Variants in RERE observed in about 807,000 individuals in gnomAD.
RERE encodes the protein arginine-glutamic acid dipeptide repeats protein.
In RERE, 40 loss-of-function variants were observed where a neutral mutation model predicts 146.1. That is an observed-to-expected ratio of 0.27 (90% CI 0.21 to 0.36). The LOEUF (loss-of-function observed/expected upper bound fraction) is 0.36. Among genes scored for constraint, RERE ranks in the 10% least tolerant of loss-of-function variants. The pLI is 1.00. For missense variants in RERE, 1,933 were observed against 2,138.7 expected, an observed-to-expected ratio of 0.90 and a Z score of 1.90; for synonymous variants, 1,003 against 866.0, an observed-to-expected ratio of 1.16 and a Z score of -2.78.
At chr1:8,378,408 T>C (rs1222382276) in intron 12 of RERE, among the ~76,000 whole-genome samples, 2 of 152,214 alleles carry the variant, frequency 1.3e-5, no homozygotes, top group Non-Finnish European at 2.9e-5. Context: ...GGCTGAACTG[T>C]GTCCTCCCTC....
At chr1:8,518,392 G>A (rs1645448652) in intron 7 of RERE, among the ~76,000 whole-genome samples, 1 of 152,192 alleles carries the variant, frequency 6.6e-6, no homozygotes, top group South Asian at 2.1e-4. Context: ...AGATCACTGA[G>A]AAATCTCTCT....
intron 4 of RERE, among the ~76,000 whole-genome samples, chr1:8,581,467 C>A (rs531441264): frequency 6.6e-6 from 1 of 152,238 alleles, no homozygotes; most frequent in Non-Finnish European, 1.5e-5. Context: ...TTGATGAATT[C>A]CAATTTTTTT....
At chr1:8,766,643 A>T (rs1338663579) in intron 1 of RERE, among the ~76,000 whole-genome samples, 1 of 152,162 alleles carries the variant, frequency 6.6e-6, no homozygotes, top group Non-Finnish European at 1.5e-5. Flanking sequence ...GATACAGGAA[A>T]AAGAAACAAT....
At chr1:8,772,932 C>G (rs1640982185) in intron 1 of RERE, among the ~76,000 whole-genome samples, 2 of 152,072 alleles carry the variant, frequency 1.3e-5, no homozygotes, top group Admixed American at 6.5e-5. Flanking sequence ...ACTAAAAGTA[C>G]AAAAATTAGC....
intron 1 of RERE, among the ~76,000 whole-genome samples, chr1:8,765,341 T>C (rs1640826485): frequency 6.6e-6 from 1 of 152,102 alleles, no homozygotes; most frequent in Non-Finnish European, 1.5e-5. Context: ...GGCTGGGGGA[T>C]GAGTAGAGGA....
Position 8,597,832 on chromosome 1 carries a change from C to A in RERE, c.522+16729G>T, listed in dbSNP as rs117345876. Among the ~76,000 whole-genome samples the A allele has an allele frequency of 5.0e-4, 76 of 151,824 alleles. No homozygotes were observed. In the East Asian group the frequency reaches 0.012, roughly 24 times the overall value. ...TCCTGTTGACAGTTTTCCCGTCCATCTTCCAGAAGAACTCACTACTCAACC... is the reference window on the plus strand; with the variant it reads ...TCCTGTTGACAGTTTTCCCGTCCATATTCCAGAAGAACTCACTACTCAACC... On this transcript the variant is annotated intron_variant, in intron 4 of 22. Coordinates refer to ENST00000400908, the MANE Select transcript of RERE (RefSeq NM_001042681.2).
At position 8,815,829 on chromosome 1, in the gene RERE, TTGTG is replaced by T. The variant is rs539845789; in HGVS notation, c.-145+1327_-145+1330del. 1.2e-3 allele frequency among the ~76,000 whole-genome samples: 174 copies of T among 149,968 alleles called. 1 individual carries two copies. The highest frequency in any genetic ancestry group is 3.5e-3 in the African/African-American group (139 of 40,200). On this transcript the variant is annotated intron_variant, in intron 1 of 22. Transcript: ENST00000400908. ...AGAACAATGAGCCCTCAGCTTGGTA[TTGTG>T]TGTGTGTGTATGTGTGTGTGTGTGT... is the stretch of plus-strand genomic sequence containing the variant.
chr1:8,358,594 ATCTCC>A lies in RERE; in HGVS notation c.3936_3940del (p.Glu1313ProfsTer80), dbSNP rs751004501. 134 of 1,601,582 alleles carry A rather than the reference ATCTCC, an allele frequency of 8.4e-5. No homozygotes were observed. The highest frequency in any genetic ancestry group is 1.8e-4 in the East Asian group (8 of 44,748). On this transcript the variant is annotated frameshift_variant, in exon 20 of 23. Transcript: ENST00000400908. LOFTEE classifies it high-confidence loss of function. ...CCTCTCCCGCAGCTCCCGCTCTCGG[ATCTCC>A]CGCTCTCGGATCTCCCGCTCCCGGA...
intron 7 of RERE, among the ~76,000 whole-genome samples, chr1:8,528,403 A>G (rs577218278): frequency 2.7e-5 from 4 of 146,776 alleles, no homozygotes; most frequent in Non-Finnish European, 6.1e-5. Context: ...ATATTGGACT[A>G]TATCATATTG....
intron 12 of RERE, among the ~76,000 whole-genome samples, chr1:8,391,983 C>T (rs573085733): frequency 4.0e-4 from 61 of 152,218 alleles, no homozygotes; most frequent in African/African-American, 1.2e-3. Flanking sequence ...GCCAAGATCG[C>T]GCTATTGCAC....
chr1:8,433,784 T>C (rs1644129714), intron 11 of RERE, among the ~76,000 whole-genome samples: 2 of 151,638 alleles, frequency 1.3e-5, no homozygotes, highest in African/African-American at 4.8e-5. Context: ...ATGGTCTCGA[T>C]CTCCTGACCT....
In RERE at chr1:8,362,694, T is replaced by G. The variant is rs777014590; in HGVS notation, c.1891A>C (p.Lys631Gln). 1.2e-6 allele frequency: 2 copies of G among 1,614,104 alleles called. No homozygotes were observed. Among genetic ancestry groups the G allele is most frequent in the South Asian group, 1.1e-5 (1 of 91,086 alleles). ...SNDSKAETVK[K>Q]SAKKVKEEAS... ...CCCCAGCACCTGACCTTGGCCGACT[T>G]CTTCACTGTCTCTGCTTTACTGTCA... The change falls in exon 16 of 23, where the codon AAG (lysine) becomes CAG (glutamine). Residue 631 changes from lysine (K) to glutamine (Q), a missense_variant. Lys to Gln is a moderately conservative substitution (Grantham distance 53). This residue lies in a region of RERE where 1,255 missense variants were observed against 1,153.8 expected (regional missense o/e 1.09). Transcript: ENST00000400908.
At chr1:8,556,676 G>A (rs1252310710) in intron 5 of RERE, 105 bp from the exon 6 acceptor site, 2 of 702,848 alleles carry the variant, frequency 2.8e-6, no homozygotes, top group African/African-American at 1.8e-5. Context: ...TAAATAACCG[G>A]GCCTGGTTAG....
chr1:8,694,458 T>C (rs528805458), intron 1 of RERE, among the ~76,000 whole-genome samples: 17 of 152,086 alleles, frequency 1.1e-4, no homozygotes, highest in Non-Finnish European at 2.2e-4. Flanking sequence ...TAAAACACAC[T>C]GCTAGAAGAA....
At chr1:8,362,996 TCCC>T in intron 15 of RERE, 152 bp from the exon 16 acceptor site, 1 of 797,832 alleles carries the variant, frequency 1.3e-6, no homozygotes, top group Non-Finnish European at 2.0e-6. Flanking sequence ...GCCCTGCCTG[TCCC>T]TGGCTGCATG....
At chr1:8,504,526 T>A (rs1046399527) in intron 8 of RERE, among the ~76,000 whole-genome samples, 1 of 152,188 alleles carries the variant, frequency 6.6e-6, no homozygotes, top group Non-Finnish European at 1.5e-5. Context: ...ATATCACTGT[T>A]TTGAAATCCC....
chr1:8,596,781 G>A (rs1287923519), intron 4 of RERE, among the ~76,000 whole-genome samples: 1 of 151,308 alleles, frequency 6.6e-6, no homozygotes, highest in Admixed American at 6.6e-5. Flanking sequence ...CAAAGTGCTG[G>A]GATTATAGGT....
chr1:8,741,676 C>T (rs1640313322), intron 1 of RERE, among the ~76,000 whole-genome samples: 1 of 152,224 alleles, frequency 6.6e-6, no homozygotes, highest in African/African-American at 2.4e-5. Context: ...TTCCTGGGGC[C>T]TCCCCAGCAT....
At chr1:8,583,612 C>A (rs933586887) in intron 4 of RERE, among the ~76,000 whole-genome samples, 2 of 152,068 alleles carry the variant, frequency 1.3e-5, no homozygotes, top group Non-Finnish European at 2.9e-5. Context: ...TAGCTCCCTG[C>A]CGGCACAAGG....
Sources: allele counts gnomAD v4.1 joint callset (sites outside exome capture counted in the v4.1 genomes callset), GRCh38; gene constraint gnomAD v4.1.1; regional missense constraint gnomAD v4.1.1; transcripts MANE v1.5; gene names NCBI Gene and HGNC (gene_info 2026-07-23, HGNC 2026-07-21).